Variants in RFX3 observed in about 807,000 individuals in gnomAD.
RFX3 encodes the protein regulatory factor X3.
In RFX3, 14 loss-of-function variants were observed where a neutral mutation model predicts 98.6. That is an observed-to-expected ratio of 0.14 (90% CI 0.09 to 0.22). The LOEUF (loss-of-function observed/expected upper bound fraction) is 0.22. RFX3 is among the 10% of genes least tolerant of loss of function. The pLI is 1.00. For synonymous variants in RFX3, 383 were observed against 328.4 expected (o/e 1.17, Z -1.80); for missense variants, 639 against 926.9 (o/e 0.69, Z 4.03).
intron 1 of RFX3, among the ~76,000 whole-genome samples, chr9:3,443,028 TA>T (rs1291372313): frequency 6.6e-6 from 1 of 151,962 alleles, no homozygotes. Flanking sequence ...AACTCAATAA[TA>T]AACAACCTGA....
chr9:3,380,369 A>G (rs558662360), intron 2 of RFX3, among the ~76,000 whole-genome samples: 1 of 152,288 alleles, frequency 6.6e-6, no homozygotes, highest in South Asian at 2.1e-4. Flanking sequence ...TCCCCTATGT[A>G]TACCTCAGAC....
At chr9:3,372,893 G>A (rs967748977) in intron 2 of RFX3, among the ~76,000 whole-genome samples, 4 of 151,974 alleles carry the variant, frequency 2.6e-5, no homozygotes, top group Non-Finnish European at 4.4e-5. Context: ...GCCTCACCTC[G>A]TATCTTATGT....
intron 3 of RFX3, among the ~76,000 whole-genome samples, chr9:3,343,494 C>G (rs113556726): frequency 4.3e-4 from 66 of 152,028 alleles, no homozygotes; most frequent in African/African-American, 1.5e-3. Flanking sequence ...ATAGAAAGAC[C>G]CTAAAATGAA....
chr9:3,405,604 T>C (rs925053781), intron 1 of RFX3, among the ~76,000 whole-genome samples: 1 of 152,228 alleles, frequency 6.6e-6, no homozygotes, highest in African/African-American at 2.4e-5. Flanking sequence ...AGTGGTAATC[T>C]TGGGATCCAG....
At position 3,271,000 on chromosome 9, in the gene RFX3, G is replaced by A; in HGVS notation, c.1202+3C>T. The A allele has an allele frequency of 6.2e-7, 1 of 1,613,698 alleles. No individual in the cohort carries two copies. The highest frequency in any genetic ancestry group is 1.1e-5 in the South Asian group (1 of 91,068). The stretch of plus-strand genomic sequence containing the variant: ...ATGAATTGGAAAAGATGTTGATTCT[G>A]ACCTCGATTCGGTAATGGTAGTGCC... On this transcript the variant is annotated splice_donor_region_variant and intron_variant, in intron 10 of 16. Coordinates refer to ENST00000617270, the MANE Select transcript of RFX3 (RefSeq NM_001282116.2).
chr9:3,429,787 A>G (rs1380937169), intron 1 of RFX3, among the ~76,000 whole-genome samples: 1 of 152,218 alleles, frequency 6.6e-6, no homozygotes, highest in African/African-American at 2.4e-5. Flanking sequence ...AGCGGCTGCT[A>G]TACATCTGCT....
At chr9:3,406,754 CA>C (rs1175127248) in intron 1 of RFX3, among the ~76,000 whole-genome samples, 1 of 152,076 alleles carries the variant, frequency 6.6e-6, no homozygotes, top group East Asian at 1.9e-4. Context: ...CATTTTTAAT[CA>C]AATTATTGTG....
At chr9:3,271,340 A>G (rs929568363) in intron 9 of RFX3, among the ~76,000 whole-genome samples, 1 of 151,742 alleles carries the variant, frequency 6.6e-6, no homozygotes, top group Non-Finnish European at 1.5e-5. Context: ...AAGATTAAGC[A>G]GGATAACATT....
intron 14 of RFX3, among the ~76,000 whole-genome samples, chr9:3,254,141 G>A (rs925810651): frequency 7.2e-5 from 11 of 152,044 alleles, no homozygotes; most frequent in African/African-American, 2.7e-4. Context: ...ATGATCTACT[G>A]GGTTTGTATA....
intron 9 of RFX3, among the ~76,000 whole-genome samples, chr9:3,272,022 T>C (rs1418995783): frequency 6.6e-6 from 1 of 152,190 alleles, no homozygotes; most frequent in East Asian, 1.9e-4. Context: ...ATTTCCCAGA[T>C]GCATCTAAGA....
intron 15 of RFX3, chr9:3,247,023 A>G: frequency 1.1e-6 from 1 of 945,336 alleles, no homozygotes; most frequent in Non-Finnish European, 1.3e-6. Context: ...AACTAGGAAA[A>G]GCATTGAATA....
At chr9:3,488,432 G>C (rs933435668) in intron 1 of RFX3, among the ~76,000 whole-genome samples, 3 of 152,120 alleles carry the variant, frequency 2.0e-5, no homozygotes, top group Non-Finnish European at 4.4e-5. Flanking sequence ...TCCATAGTCA[G>C]ATATCTTCAA....
chr9:3,450,519 A>T (rs981260666), intron 1 of RFX3, among the ~76,000 whole-genome samples: 3 of 152,182 alleles, frequency 2.0e-5, no homozygotes, highest in Non-Finnish European at 4.4e-5. Flanking sequence ...ACATTTTTTT[A>T]AATCTTAGAT....
intron 1 of RFX3, among the ~76,000 whole-genome samples, chr9:3,396,057 A>C (rs1336548433): frequency 6.8e-6 from 1 of 147,016 alleles, no homozygotes; most frequent in Non-Finnish European, 1.5e-5. Flanking sequence ...TTTTTTTTTT[A>C]TACTTTGTTT....
chr9:3,329,775 T>C (rs1371518607), intron 4 of RFX3, among the ~76,000 whole-genome samples: 1 of 152,168 alleles, frequency 6.6e-6, no homozygotes, highest in East Asian at 1.9e-4. Context: ...ATGGCAAAAC[T>C]TACATGTCTA....
chr9:3,504,512 T>TTGTATATAAAATATATATTATA (rs1469274209), intron 1 of RFX3, among the ~76,000 whole-genome samples: 3 of 126,092 alleles, frequency 2.4e-5, no homozygotes, highest in South Asian at 2.7e-4. Context: ...ATGGTATATA[T>TTGTATATAAAATATATATTATA]TGCATATAAA....
chr9:3,290,869 T>C (rs1827243269), intron 6 of RFX3, among the ~76,000 whole-genome samples: 1 of 151,996 alleles, frequency 6.6e-6, no homozygotes. Flanking sequence ...ACCTTGGCAT[T>C]TGAAGAAACA....
At chr9:3,478,684 C>T (rs1047383476) in intron 1 of RFX3, among the ~76,000 whole-genome samples, 1 of 152,170 alleles carries the variant, frequency 6.6e-6, no homozygotes, top group African/African-American at 2.4e-5. Context: ...TTTCCCAGGT[C>T]ATTTCCGGGC....
At chr9:3,471,172 G>C (rs1266775015) in intron 1 of RFX3, among the ~76,000 whole-genome samples, 1 of 152,096 alleles carries the variant, frequency 6.6e-6, no homozygotes, top group Non-Finnish European at 1.5e-5. Flanking sequence ...CCCACTCACA[G>C]CTCAGGACAT....
Sources: gnomAD v4.1 joint callset for allele counts (sites outside exome capture counted in the v4.1 genomes callset) on GRCh38, gnomAD v4.1.1 for gene constraint, MANE v1.5 for transcripts, NCBI Gene and HGNC (gene_info 2026-07-23, HGNC 2026-07-21) for gene names.